The following DRC7 variants were observed in gnomAD, a reference collection of about 807,000 sequenced individuals.
DRC7 encodes dynein regulatory complex subunit 7.
DRC7 carries 80 observed loss-of-function variants against 104.4 expected under a neutral mutation model. That is an observed-to-expected ratio of 0.77 (90% CI 0.64 to 0.92). The LOEUF (loss-of-function observed/expected upper bound fraction) is 0.92, where lower values mean the gene tolerates loss of function less well. Among genes scored for constraint, DRC7 ranks in the 40% least tolerant of loss-of-function variants. DRC7 has a pLI of 0.00. For missense variants in DRC7, 1,034 were observed against 1,141.1 expected, an observed-to-expected ratio of 0.91 and a Z score of 1.35; for synonymous variants, 405 against 447.3, an observed-to-expected ratio of 0.91 and a Z score of 1.19.
chr16:57,726,018 C>A, intron 13 of DRC7, 50 bp from the exon 14 acceptor site: 1 of 1,514,610 alleles, frequency 6.6e-7, no homozygotes, highest in Non-Finnish European at 9.1e-7. Flanking sequence ...CAGAAATCTC[C>A]TCTCACACGC....
chr16:57,703,967 C>CAAAAAA (rs35232247), intron 6 of DRC7, among the ~76,000 whole-genome samples: 2 of 64,350 alleles, frequency 3.1e-5, no homozygotes, highest in Non-Finnish European at 5.6e-5. Context: ...ACTCTGGCTC[C>CAAAAAA]AAAAAAAAAA....
intron 7 of DRC7, among the ~76,000 whole-genome samples, chr16:57,706,489 C>T (rs1281239164): frequency 7.3e-6 from 1 of 137,694 alleles, no homozygotes; most frequent in Non-Finnish European, 1.6e-5. Context: ...CATCCGTCCT[C>T]TCATCCATGC....
intron 10 of DRC7, among the ~76,000 whole-genome samples, chr16:57,722,102 C>T (rs776546144): frequency 1.8e-4 from 28 of 152,288 alleles, no homozygotes; most frequent in African/African-American, 5.8e-4. Flanking sequence ...GTCTCAGGAC[C>T]GGAGAGGGGC....
At chr16:57,699,388 C>T (rs907265487) in intron 4 of DRC7, among the ~76,000 whole-genome samples, 8 of 152,154 alleles carry the variant, frequency 5.3e-5, no homozygotes, top group Admixed American at 3.9e-4. Context: ...AACATTGCCA[C>T]GTGGGCCAAA....
intron 14 of DRC7, 34 bp from the exon 15 acceptor site, chr16:57,726,798 C>T: frequency 7.1e-7 from 1 of 1,403,806 alleles, no homozygotes; most frequent in African/African-American, 1.4e-5. Flanking sequence ...ATCATGGCAG[C>T]CTCTCTGTGT....
chr16:57,723,199 T>C, intron 12 of DRC7, 69 bp downstream of exon 12: 2 of 1,551,404 alleles, frequency 1.3e-6, no homozygotes, highest in Non-Finnish European at 8.7e-7. Flanking sequence ...CTGTGGCAGG[T>C]GGTATGTGGT....
At chr16:57,727,116 A>G (rs2048978458) in intron 15 of DRC7, 174 bp downstream of exon 15, 1 of 648,286 alleles carries the variant, frequency 1.5e-6, no homozygotes, top group Non-Finnish European at 2.7e-6. Context: ...GCACACCACC[A>G]TGCCTGGCTA....
At chr16:57,724,561 A>G in intron 12 of DRC7, 54 bp from the exon 13 acceptor site, 1 of 1,363,712 alleles carries the variant, frequency 7.3e-7, no homozygotes. Context: ...GCCAGCAGCC[A>G]TACTTCCTAG....
At chr16:57,716,125 T>C (rs1372360797) in intron 8 of DRC7, among the ~76,000 whole-genome samples, 1 of 152,184 alleles carries the variant, frequency 6.6e-6, no homozygotes, top group Non-Finnish European at 1.5e-5. Flanking sequence ...TCTAAAGAAA[T>C]AGAACTTAAG....
intron 17 of DRC7, among the ~76,000 whole-genome samples, chr16:57,730,433 G>A (rs1291029194): frequency 6.6e-6 from 1 of 152,002 alleles, no homozygotes; most frequent in Admixed American, 6.6e-5. Context: ...ATGGGTGGAG[G>A]GATGGGCAGA....
intron 8 of DRC7, 94 bp downstream of exon 8, chr16:57,707,772 G>A (rs773579921): frequency 3.1e-5 from 35 of 1,139,042 alleles, no homozygotes; most frequent in Admixed American, 1.6e-4. Flanking sequence ...TGGGGAGAGC[G>A]AGACACCAGG....
chr16:57,701,610 C>A (rs3743926), intron 5 of DRC7: 49,556 of 222,426 alleles, frequency 0.22, 6,421 homozygotes, highest in East Asian at 0.39. Context: ...AGGTGGGTAT[C>A]GAAGGAAGGG....
At chr16:57,725,988 C>A in intron 13 of DRC7, 80 bp from the exon 14 acceptor site, 2 of 1,256,274 alleles carry the variant, frequency 1.6e-6, no homozygotes, top group Non-Finnish European at 2.3e-6. Flanking sequence ...ACGTTCGTTG[C>A]TCCTGCCTGC....
chr16:57,700,987 G>T (rs1292256487), intron 5 of DRC7, among the ~76,000 whole-genome samples: 2 of 152,128 alleles, frequency 1.3e-5, no homozygotes, highest in Non-Finnish European at 2.9e-5. Context: ...TTTGACTTAT[G>T]ACCTGAGTAG....
At chr16:57,699,883 A>G (rs2048638471) in intron 4 of DRC7, among the ~76,000 whole-genome samples, 1 of 152,144 alleles carries the variant, frequency 6.6e-6, no homozygotes, top group African/African-American at 2.4e-5. Flanking sequence ...GATCCAGAAT[A>G]TGCTTGTGCT....
chr16:57,696,779 G>C (rs1396759050), intron 2 of DRC7, among the ~76,000 whole-genome samples, 185 bp downstream of exon 2: 2 of 152,230 alleles, frequency 1.3e-5, no homozygotes, highest in African/African-American at 2.4e-5. Context: ...GTATGCCCTG[G>C]TGCAGGCACC....
rs1235631630 is a variant in DRC7 at position 57,729,850 on chromosome 16, A to ATGGATGGATGGG, written c.2392-1069_2392-1058dup. Among the ~76,000 whole-genome samples, 346 of 120,626 alleles carry ATGGATGGATGGG rather than the reference A, an allele frequency of 2.9e-3. 6 individuals carry two copies. The highest frequency in any genetic ancestry group is 0.011 in the African/African-American group (324 of 30,580). The allele number at this position is 120,626 out of a possible 152,430, so 79.1% of individuals were successfully genotyped here. A position where few individuals can be genotyped will look rare whatever the true frequency, so the allele number is the denominator to read the frequency against. ...GACGAGTGGGTGGGTGGATGGACGA[A>ATGGATGGATGGG]TGGATGGATGGGTGGATGGATGGAT... On this transcript the variant is annotated intron_variant, in intron 17 of 18. Transcript: ENST00000360716.
chr16:57,723,119 A>G lies in DRC7; in HGVS notation c.1526A>G (p.Gln509Arg). 1 of 1,613,692 alleles carries G rather than the reference A, an allele frequency of 6.2e-7. No individual in the cohort carries two copies. The highest frequency in any genetic ancestry group is 8.5e-7 in the Non-Finnish European group (1 of 1,179,974). The part of the protein sequence containing the change: ...KTDYFKPGHP[Q>R]ALRVHSYKSM... ...GACTACTTCAAGCCTGGCCACCCCC[A>G]GGCTCTGCGCGGTGCGTGGCTCCCC... Residue 509 changes from glutamine (Q) to arginine (R), a missense_variant, in exon 12 of 19, where the codon CAG (glutamine) becomes CGG (arginine). By Grantham distance (43) the Gln-to-Arg change is conservative (BLOSUM62 1). Coordinates refer to ENST00000360716, the MANE Select transcript of DRC7 (RefSeq NM_001289162.2).
At chr16:57,696,238 G>A (rs1034147337) in intron 1 of DRC7, among the ~76,000 whole-genome samples, 3 of 152,160 alleles carry the variant, frequency 2.0e-5, no homozygotes, top group Admixed American at 6.5e-5. Context: ...CTTATATAAG[G>A]AAAGGCTAGA....
Sources: allele counts gnomAD v4.1 joint callset (sites outside exome capture counted in the v4.1 genomes callset), GRCh38; gene constraint gnomAD v4.1.1; transcripts MANE v1.5; gene names NCBI Gene and HGNC (gene_info 2026-07-23, HGNC 2026-07-21).